Variants in TAF4 observed in about 807,000 individuals in gnomAD.
TAF4 encodes the protein TATA-box binding protein associated factor 4, also known as transcription initiation factor TFIID subunit 4.
TAF4 carries 9 observed loss-of-function variants against 90.3 expected under a neutral mutation model. The ratio of observed to expected loss-of-function variants is 0.10; its 90% confidence interval spans 0.06 to 0.17. The LOEUF is 0.17. TAF4 is among the 10% of genes least tolerant of loss of function. The pLI, the probability that TAF4 is intolerant of heterozygous loss-of-function variation, is 1.00. For synonymous variants in TAF4, 818 were observed against 638.9 expected (o/e 1.28, Z -4.23); for missense variants, 1,351 against 1,370.7 (o/e 0.99, Z 0.23).
chr20:62,020,120 A>G (rs2055834310), intron 1 of TAF4, among the ~76,000 whole-genome samples: 1 of 151,972 alleles, frequency 6.6e-6, no homozygotes, highest in South Asian at 2.1e-4. Flanking sequence ...CCTCTGCCAA[A>G]CCCAGGGCTG....
At chr20:61,993,808 A>G (rs2055646740) in intron 14 of TAF4, among the ~76,000 whole-genome samples, 1 of 152,172 alleles carries the variant, frequency 6.6e-6, no homozygotes, top group Admixed American at 6.5e-5. Context: ...GCTAGAGTGC[A>G]GTGGCACAAT....
intron 1 of TAF4, among the ~76,000 whole-genome samples, chr20:62,055,400 G>C (rs559363749): frequency 6.6e-6 from 1 of 152,306 alleles, no homozygotes; most frequent in Admixed American, 6.5e-5. Flanking sequence ...AATTCACACT[G>C]TGCAGTCCTG....
At chr20:62,055,617 G>A (rs1003053787) in intron 1 of TAF4, among the ~76,000 whole-genome samples, 3 of 151,416 alleles carry the variant, frequency 2.0e-5, no homozygotes, top group African/African-American at 4.9e-5. Flanking sequence ...CACACTATCA[G>A]AGGGCAGCCC....
intron 5 of TAF4, 184 bp downstream of exon 5, chr20:62,008,868 G>A: frequency 1.5e-6 from 1 of 688,942 alleles, no homozygotes; most frequent in East Asian, 3.1e-5. Context: ...CCCCAGGAAG[G>A]AGTCTCCTTA....
At chr20:61,980,425 T>C (rs2055532843) in intron 14 of TAF4, 2 of 152,284 alleles carry the variant, frequency 1.3e-5, no homozygotes, top group Admixed American at 1.3e-4. Flanking sequence ...GGGTGGAGAA[T>C]GCTGTGCCCA....
chr20:62,047,112 T>C (rs1216937006), intron 1 of TAF4, among the ~76,000 whole-genome samples: 4 of 152,320 alleles, frequency 2.6e-5, no homozygotes, highest in African/African-American at 9.6e-5. Context: ...ACTTGTATCC[T>C]AGGAAATCTT....
intron 14 of TAF4, among the ~76,000 whole-genome samples, chr20:61,977,527 G>A (rs1410582497): frequency 2.0e-5 from 3 of 151,868 alleles, no homozygotes; most frequent in African/African-American, 7.3e-5. Context: ...TCCCCGTTCT[G>A]CCACTTTCAG....
intron 14 of TAF4, among the ~76,000 whole-genome samples, chr20:61,987,365 G>A (rs983252335): frequency 6.6e-5 from 10 of 152,220 alleles, no homozygotes; most frequent in East Asian, 3.8e-4. Context: ...AAAGGACGTC[G>A]AGGACACTGG....
At chr20:61,977,347 A>T (rs1386296136) in intron 14 of TAF4, among the ~76,000 whole-genome samples, 1 of 152,258 alleles carries the variant, frequency 6.6e-6, no homozygotes, top group Non-Finnish European at 1.5e-5. Context: ...CGATGGTGAA[A>T]GCTGCTCACA....
intron 1 of TAF4, among the ~76,000 whole-genome samples, chr20:62,020,955 G>GC (rs1372899000): frequency 1.3e-5 from 2 of 152,072 alleles, no homozygotes; most frequent in Non-Finnish European, 2.9e-5. Context: ...GGAAGGAGGC[G>GC]CACACCAGCC....
chr20:62,019,134 C>A (rs2055828622), intron 1 of TAF4, among the ~76,000 whole-genome samples: 1 of 152,234 alleles, frequency 6.6e-6, no homozygotes, highest in African/African-American at 2.4e-5. Flanking sequence ...GTCCTAATAT[C>A]TTCCTTACCA....
chr20:62,029,213 C>A (rs980243688), intron 1 of TAF4, among the ~76,000 whole-genome samples: 16 of 149,686 alleles, frequency 1.1e-4, no homozygotes, highest in Middle Eastern at 3.4e-3. Context: ...AAAAAAAAAA[C>A]TTAGGAATTA....
At chr20:62,030,248 C>T (rs894894253) in intron 1 of TAF4, among the ~76,000 whole-genome samples, 5 of 152,194 alleles carry the variant, frequency 3.3e-5, no homozygotes, top group African/African-American at 1.2e-4. Flanking sequence ...CCACAGTGCC[C>T]GGTCAGTGCA....
intron 1 of TAF4, among the ~76,000 whole-genome samples, chr20:62,035,509 A>G (rs941710542): frequency 1.3e-5 from 2 of 152,244 alleles, no homozygotes; most frequent in African/African-American, 4.8e-5. Context: ...CAATCCAAAT[A>G]GGAGGCAAAT....
At chr20:62,008,697 C>A (rs955017725) in intron 5 of TAF4, among the ~76,000 whole-genome samples, 4 of 152,226 alleles carry the variant, frequency 2.6e-5, no homozygotes, top group Middle Eastern at 3.4e-3. Context: ...AGAGGTCACA[C>A]AGGAGTGGGG....
chr20:62,050,787 C>T (rs1040633310), intron 1 of TAF4, among the ~76,000 whole-genome samples: 6 of 152,064 alleles, frequency 3.9e-5, no homozygotes, highest in African/African-American at 1.2e-4. Flanking sequence ...GGACCTCTGC[C>T]GAGGAAACAC....
chr20:62,002,906 ATTAG>A (rs1183951444), intron 9 of TAF4, among the ~76,000 whole-genome samples: 1 of 152,256 alleles, frequency 6.6e-6, no homozygotes, highest in African/African-American at 2.4e-5. Context: ...TGAATTTCCT[ATTAG>A]TTCATATAAA....
intron 1 of TAF4, among the ~76,000 whole-genome samples, chr20:62,054,423 A>T (rs1600864288): frequency 6.6e-6 from 1 of 152,164 alleles, no homozygotes; most frequent in Admixed American, 6.5e-5. Context: ...CACACACAAG[A>T]GCAAAGCGGC....
rs183897124 is a variant in TAF4 at position 62,010,487 on chromosome 20, A to T, written c.1642-322T>A. On this transcript the variant is annotated intron_variant, in intron 3 of 14. Transcript: ENST00000252996. This position sits in a 1 kb window ranked among gnomAD's most constrained non-coding sequence, Gnocchi z 4.5. ...ATGGAAAAAGTCACATAGAGACCAG[A>T]GTAAATAATCCTAACAGGCAACCCA... Among the ~76,000 whole-genome samples, 4 of 152,154 alleles carry T rather than the reference A, an allele frequency of 2.6e-5. No individual in the cohort carries two copies. The highest frequency in any genetic ancestry group is 9.7e-5 in the African/African-American group (4 of 41,430).
Sources: gnomAD v4.1 joint callset for allele counts (sites outside exome capture counted in the v4.1 genomes callset) on GRCh38, gnomAD v4.1.1 for gene constraint, Gnocchi (gnomAD v3.1) non-coding constraint, MANE v1.5 for transcripts, NCBI Gene and HGNC (gene_info 2026-07-23, HGNC 2026-07-21) for gene names.